The following TPRG1 variants were observed in gnomAD, a reference collection of about 807,000 sequenced individuals.
TPRG1 encodes tumor protein p63 regulated 1, also known as tumor protein p63-regulated gene 1 protein.
In TPRG1, 29 loss-of-function variants were observed where a neutral mutation model predicts 29.3. That is an observed-to-expected ratio of 0.99 (90% CI 0.74 to 1.35). TPRG1 has a LOEUF of 1.35. Among genes scored for constraint, TPRG1 ranks in the 40% most tolerant of loss-of-function variants. TPRG1 has a pLI of 0.00. For missense variants in TPRG1, 327 were observed against 335.0 expected (o/e 0.98, Z 0.19); for synonymous variants, 130 against 116.8 (o/e 1.11, Z -0.73).
chr3:189,128,005 A>G (rs1034632512), intron 2 of TPRG1, among the ~76,000 whole-genome samples: 2 of 152,226 alleles, frequency 1.3e-5, no homozygotes, highest in Non-Finnish European at 2.9e-5. Context: ...TACCAGGACC[A>G]TCTTATAGGT....
intron 3 of TPRG1, among the ~76,000 whole-genome samples, chr3:189,019,740 G>C (rs1029026685): frequency 4.1e-4 from 62 of 151,446 alleles, no homozygotes; most frequent in African/African-American, 1.3e-3. Flanking sequence ...AATGATGCTG[G>C]CCTCATAAAA....
intron 5 of TPRG1, among the ~76,000 whole-genome samples, chr3:189,151,862 G>A (rs1344495835): frequency 6.6e-6 from 1 of 152,006 alleles, no homozygotes; most frequent in Admixed American, 6.6e-5. Context: ...TCCTGGGCGA[G>A]AGAGCATGAC....
chr3:189,266,377 T>C (rs1255587704), intron 4 of TPRG1, among the ~76,000 whole-genome samples: 1 of 151,992 alleles, frequency 6.6e-6, no homozygotes, highest in African/African-American at 2.4e-5. Flanking sequence ...TGAGTCAGAG[T>C]GGGGCAGTCA....
chr3:189,200,766 A>G (rs1331045717), intron 1 of TPRG1, among the ~76,000 whole-genome samples: 1 of 152,264 alleles, frequency 6.6e-6, no homozygotes, highest in Admixed American at 6.5e-5. Flanking sequence ...AGAGTTCAGA[A>G]GAGATACACA....
intron 4 of TPRG1, among the ~76,000 whole-genome samples, chr3:189,080,038 C>CT (rs1560432024): frequency 2.0e-5 from 3 of 151,992 alleles, no homozygotes; most frequent in African/African-American, 7.3e-5. Flanking sequence ...GTTGAATGAA[C>CT]GAATAAATGA....
At chr3:189,234,170 C>T (rs190424631) in intron 3 of TPRG1, among the ~76,000 whole-genome samples, 16 of 152,278 alleles carry the variant, frequency 1.1e-4, no homozygotes, top group Non-Finnish European at 1.8e-4. Context: ...TGAGCCACCA[C>T]GCTTGGCCTT....
chr3:189,157,071 C>T (rs1726785100), intron 5 of TPRG1, among the ~76,000 whole-genome samples: 1 of 152,204 alleles, frequency 6.6e-6, no homozygotes, highest in Non-Finnish European at 1.5e-5. Flanking sequence ...TGCTATTCAC[C>T]TGCTGTCACT....
chr3:189,022,782 T>G (rs1386983963), intron 3 of TPRG1, among the ~76,000 whole-genome samples: 1 of 152,200 alleles, frequency 6.6e-6, no homozygotes, highest in Non-Finnish European at 1.5e-5. Flanking sequence ...GGCTGCTTTG[T>G]TTACCTAATC....
At chr3:189,065,830 A>G (rs1167358684) in intron 4 of TPRG1, among the ~76,000 whole-genome samples, 1 of 152,142 alleles carries the variant, frequency 6.6e-6, no homozygotes, top group Non-Finnish European at 1.5e-5. Context: ...AAGAAAAAAA[A>G]AGGCACACAG....
At chr3:189,138,516 C>T (rs951385364) in intron 3 of TPRG1, among the ~76,000 whole-genome samples, 1 of 152,188 alleles carries the variant, frequency 6.6e-6, no homozygotes, top group Non-Finnish European at 1.5e-5. Flanking sequence ...TTCCTTCCAT[C>T]TTCTGGTTTT....
chr3:189,222,494 C>CA (rs1560572435), intron 3 of TPRG1, among the ~76,000 whole-genome samples: 1 of 152,150 alleles, frequency 6.6e-6, no homozygotes, highest in Non-Finnish European at 1.5e-5. Context: ...CCCTGGTACT[C>CA]AAAGTGTAGT....
intron 3 of TPRG1, among the ~76,000 whole-genome samples, chr3:189,232,111 G>A (rs1738761261): frequency 6.6e-6 from 1 of 152,046 alleles, no homozygotes; most frequent in Non-Finnish European, 1.5e-5. Context: ...GGAACAATAT[G>A]ATGGAACTCA....
chr3:189,159,522 G>C (rs927625121), intron 5 of TPRG1, among the ~76,000 whole-genome samples: 1 of 152,156 alleles, frequency 6.6e-6, no homozygotes, highest in Non-Finnish European at 1.5e-5. Flanking sequence ...TTATGATCTC[G>C]TACAACTCCC....
At chr3:189,122,057 T>C (rs1322858599) in intron 1 of TPRG1, among the ~76,000 whole-genome samples, 2 of 152,118 alleles carry the variant, frequency 1.3e-5, no homozygotes, top group Admixed American at 1.3e-4. Flanking sequence ...TATGTATGTA[T>C]GCACACATGC....
At chr3:189,122,013 G>T (rs1050692304) in intron 1 of TPRG1, among the ~76,000 whole-genome samples, 3 of 151,602 alleles carry the variant, frequency 2.0e-5, no homozygotes, top group African/African-American at 7.3e-5. Flanking sequence ...TTTGTTGATG[G>T]GTTGGTTCCC....
chr3:189,281,393 C>T (rs1332887000), intron 4 of TPRG1, among the ~76,000 whole-genome samples: 2 of 152,112 alleles, frequency 1.3e-5, no homozygotes, highest in African/African-American at 2.4e-5. Flanking sequence ...TGTGAAACTT[C>T]GTACACCTTT....
At chr3:189,225,517 G>C (rs1029971246) in intron 3 of TPRG1, among the ~76,000 whole-genome samples, 1 of 152,124 alleles carries the variant, frequency 6.6e-6, no homozygotes, top group Non-Finnish European at 1.5e-5. Flanking sequence ...TTATTTAGGG[G>C]CCTGCCAGTG....
At chr3:189,301,094 G>A (rs1279701213) in intron 4 of TPRG1, among the ~76,000 whole-genome samples, 2 of 151,850 alleles carry the variant, frequency 1.3e-5, no homozygotes, top group South Asian at 2.1e-4. Flanking sequence ...TTGGGAGATC[G>A]AGACTATCCT....
At chr3:189,307,218 C>T (rs768349231) in intron 4 of TPRG1, among the ~76,000 whole-genome samples, 13 of 152,046 alleles carry the variant, frequency 8.6e-5, no homozygotes, top group Non-Finnish European at 1.8e-4. Context: ...AGATGGGAGT[C>T]TCACCAAGTT....
Sources: allele counts gnomAD v4.1 joint callset (sites outside exome capture counted in the v4.1 genomes callset), GRCh38; gene constraint gnomAD v4.1.1; transcripts MANE v1.5; gene names NCBI Gene and HGNC (gene_info 2026-07-23, HGNC 2026-07-21).